PLXNA4: variants seen among roughly 807,000 people sequenced by gnomAD.
PLXNA4 encodes the protein plexin A4.
A neutral mutation model predicts 191.8 loss-of-function variants in PLXNA4; 44 were observed. The ratio of observed to expected loss-of-function variants is 0.23; its 90% CI spans 0.18 to 0.29. The LOEUF is 0.29. Ranked by LOEUF, PLXNA4 falls within the 10% of genes least tolerant of loss-of-function variation. The pLI is 1.00. For synonymous variants in PLXNA4, 1,082 were observed against 1,009.5 expected (o/e 1.07, Z -1.36); for missense variants, 1,800 against 2,488.8 (o/e 0.72, Z 5.89).
intron 2 of PLXNA4, among the ~76,000 whole-genome samples, chr7:132,628,380 C>T (rs542014294): frequency 3.9e-5 from 6 of 152,116 alleles, no homozygotes; most frequent in African/African-American, 1.4e-4. Flanking sequence ...TTCTCTCTCT[C>T]TCTCTTTTTC....
chr7:132,272,498 A>G (rs1183524964), intron 4 of PLXNA4, among the ~76,000 whole-genome samples: 1 of 152,212 alleles, frequency 6.6e-6, no homozygotes, highest in Non-Finnish European at 1.5e-5. Context: ...CTATTTTGTC[A>G]CCAGAATGAT....
chr7:132,326,412 T>C (rs771388652), intron 3 of PLXNA4, among the ~76,000 whole-genome samples: 53 of 152,346 alleles, frequency 3.5e-4, no homozygotes, highest in Admixed American at 7.8e-4. Context: ...GTAGAATCCA[T>C]GTGGAATCAG....
At chr7:132,406,170 A>T (rs1426762001) in intron 3 of PLXNA4, among the ~76,000 whole-genome samples, 1 of 152,226 alleles carries the variant, frequency 6.6e-6, no homozygotes. Flanking sequence ...ACCTCTTCAC[A>T]GAGAAGGATT....
chr7:132,384,927 A>G (rs1354598094), intron 3 of PLXNA4: 2 of 1,283,952 alleles, frequency 1.6e-6, no homozygotes, highest in Non-Finnish European at 9.9e-7. Flanking sequence ...TAACACCACA[A>G]GAGTCAAACA....
intron 5 of PLXNA4, among the ~76,000 whole-genome samples, chr7:132,238,936 T>C (rs2117029486): frequency 6.6e-6 from 1 of 152,288 alleles, no homozygotes. Context: ...TACCATCTCA[T>C]TTGATTCCCC....
chr7:132,218,133 C>T (rs972898253), intron 9 of PLXNA4, among the ~76,000 whole-genome samples: 9 of 152,086 alleles, frequency 5.9e-5, no homozygotes, highest in African/African-American at 2.2e-4. Flanking sequence ...AAGCGGCAGC[C>T]CATGAGCTAG....
intron 3 of PLXNA4, among the ~76,000 whole-genome samples, chr7:132,430,139 G>A (rs537659738): frequency 3.2e-4 from 48 of 152,112 alleles, no homozygotes; most frequent in South Asian, 1.5e-3. Context: ...CTGCCTCTCC[G>A]TTTAGCAACA....
chr7:132,529,608 T>TA (rs1799545147), intron 1 of PLXNA4, among the ~76,000 whole-genome samples: 1 of 49,424 alleles, frequency 2.0e-5, no homozygotes, highest in Non-Finnish European at 4.3e-5. Context: ...ATAGGTATTC[T>TA]TTTTTTTTTT....
At chr7:132,255,184 G>C (rs1274572849) in intron 4 of PLXNA4, among the ~76,000 whole-genome samples, 1 of 152,178 alleles carries the variant, frequency 6.6e-6, no homozygotes, top group African/African-American at 2.4e-5. Flanking sequence ...GATAGGTGGA[G>C]GCTTTTAATA....
At chr7:132,411,325 C>T (rs1330549138) in intron 3 of PLXNA4, among the ~76,000 whole-genome samples, 4 of 152,196 alleles carry the variant, frequency 2.6e-5, no homozygotes, top group Non-Finnish European at 5.9e-5. Context: ...TCTGGCACCT[C>T]GCCACCTGTT....
At chr7:132,220,744 A>G (rs1798115135) in intron 9 of PLXNA4, among the ~76,000 whole-genome samples, 1 of 151,294 alleles carries the variant, frequency 6.6e-6, no homozygotes, top group Admixed American at 6.6e-5. Flanking sequence ...TGGGTGCTTG[A>G]AGCCATCATT....
At chr7:132,220,810 C>CTTTTTTTTTT (rs35090579) in intron 9 of PLXNA4, among the ~76,000 whole-genome samples, 2 of 100,792 alleles carry the variant, frequency 2.0e-5, no homozygotes, top group African/African-American at 8.1e-5. Context: ...TTATTTTATT[C>CTTTTTTTTTT]TTTTTTTTTT....
At chr7:132,451,829 G>T (rs1471259461) in intron 3 of PLXNA4, among the ~76,000 whole-genome samples, 1 of 152,240 alleles carries the variant, frequency 6.6e-6, no homozygotes, top group African/African-American at 2.4e-5. Flanking sequence ...GATGGGATGG[G>T]GCTGTGTGGG....
chr7:132,594,227 T>C (rs1172885452), intron 2 of PLXNA4, among the ~76,000 whole-genome samples: 8 of 152,206 alleles, frequency 5.3e-5, no homozygotes, highest in Admixed American at 1.3e-4. Context: ...GGTGTCTTTA[T>C]AAAAAGGGGA....
chr7:132,234,442 T>G (rs926908544), intron 5 of PLXNA4, among the ~76,000 whole-genome samples: 1 of 152,182 alleles, frequency 6.6e-6, no homozygotes, highest in African/African-American at 2.4e-5. Context: ...GAGTGAAGCC[T>G]CAGAGGTAGG....
At chr7:132,485,476 G>A (rs774697603) in intron 3 of PLXNA4, among the ~76,000 whole-genome samples, 8 of 152,204 alleles carry the variant, frequency 5.3e-5, no homozygotes, top group Non-Finnish European at 7.3e-5. Flanking sequence ...TGAAAGGAAA[G>A]CAAGAGGCAG....
chr7:132,151,545 AAGG>A (rs1184768539), intron 25 of PLXNA4, among the ~76,000 whole-genome samples: 10 of 75,720 alleles, frequency 1.3e-4, no homozygotes, highest in African/African-American at 4.5e-4. Flanking sequence ...GAGGAGGAGA[AAGG>A]AGGAGGAGGA....
chr7:132,146,380 T>C, intron 28 of PLXNA4, 130 bp downstream of exon 28: 1 of 1,485,630 alleles, frequency 6.7e-7, no homozygotes, highest in East Asian at 2.3e-5. Context: ...CAGCAGTGCC[T>C]CCTGGGGTGG....
intron 3 of PLXNA4, among the ~76,000 whole-genome samples, chr7:132,408,747 T>C (rs1166509123): frequency 6.6e-6 from 1 of 152,144 alleles, no homozygotes; most frequent in Admixed American, 6.6e-5. Context: ...ATTACAAGCA[T>C]GAGCCACTGC....
Sources: gnomAD v4.1 joint callset for allele counts (sites outside exome capture counted in the v4.1 genomes callset) on GRCh38, gnomAD v4.1.1 for gene constraint, MANE v1.5 for transcripts, NCBI Gene and HGNC (gene_info 2026-07-23, HGNC 2026-07-21) for gene names.